The following NAV2 variants were observed in gnomAD, a reference collection of about 807,000 sequenced individuals.
NAV2 encodes the protein helicase, APC down-regulated 1.
NAV2 carries 54 observed loss-of-function variants against 223.2 expected under a neutral mutation model. The observed-to-expected ratio is 0.24, with a 90% CI of 0.19 to 0.30. The LOEUF (loss-of-function observed/expected upper bound fraction) is 0.30, where lower values mean the gene tolerates loss of function less well. NAV2 is among the 10% of genes least tolerant of loss of function. The pLI is 1.00. For synonymous variants in NAV2, 1,279 were observed against 1,239.3 expected (o/e 1.03, Z -0.67); for missense variants, 2,806 against 3,147.5 (o/e 0.89, Z 2.60).
chr11:19,627,482 T>G (rs1385293604), intron 1 of NAV2, among the ~76,000 whole-genome samples: 2 of 152,118 alleles, frequency 1.3e-5, no homozygotes, highest in African/African-American at 4.8e-5. Flanking sequence ...AGGTTTTTCA[T>G]GCATGAAATT....
At chr11:19,429,069 C>G (rs1183897951) in intron 1 of NAV2, among the ~76,000 whole-genome samples, 1 of 152,152 alleles carries the variant, frequency 6.6e-6, no homozygotes, top group African/African-American at 2.4e-5. Flanking sequence ...CTTTTCTACC[C>G]GATTGCACAA....
intron 1 of NAV2, among the ~76,000 whole-genome samples, chr11:19,736,483 T>G (rs1488668702): frequency 6.6e-6 from 1 of 152,166 alleles, no homozygotes; most frequent in African/African-American, 2.4e-5. Context: ...TAAGGACTCT[T>G]ACAAAGTCTT....
chr11:19,924,727 A>G (rs1386978025), intron 6 of NAV2, among the ~76,000 whole-genome samples: 2 of 152,352 alleles, frequency 1.3e-5, no homozygotes, highest in African/African-American at 4.8e-5. Flanking sequence ...CATTGAGTTC[A>G]GTTAGTTTTA....
intron 1 of NAV2, among the ~76,000 whole-genome samples, chr11:19,368,622 G>T (rs927744507): frequency 1.3e-4 from 20 of 152,232 alleles, no homozygotes; most frequent in African/African-American, 4.8e-4. Context: ...AACACTAACA[G>T]CTAATGTTCA....
At chr11:19,922,578 AT>A (rs1372961298) in intron 6 of NAV2, among the ~76,000 whole-genome samples, 2 of 152,146 alleles carry the variant, frequency 1.3e-5, no homozygotes, top group East Asian at 1.9e-4. Context: ...AGATACTGTG[AT>A]TTTGTAAGTT....
At chr11:20,105,461 T>C (rs1446403957) in intron 34 of NAV2, 70 bp from the exon 35 acceptor site, 17 of 1,347,200 alleles carry the variant, frequency 1.3e-5, no homozygotes. Context: ...CTAACGTGCT[T>C]TGGTTCCTGA....
At chr11:19,508,412 A>G (rs2043185493) in intron 1 of NAV2, among the ~76,000 whole-genome samples, 2 of 152,156 alleles carry the variant, frequency 1.3e-5, no homozygotes, top group South Asian at 4.2e-4. Context: ...AGCCCCTTGG[A>G]CTTCCTGCTA....
intron 4 of NAV2, 56 bp downstream of exon 4, chr11:19,869,053 GTTAC>G: frequency 6.6e-7 from 1 of 1,504,012 alleles, no homozygotes; most frequent in Non-Finnish European, 9.2e-7. Flanking sequence ...ATGCCCACCT[GTTAC>G]TTATGAATGA....
chr11:19,694,161 C>G (rs916723023), intron 1 of NAV2, among the ~76,000 whole-genome samples: 2 of 152,122 alleles, frequency 1.3e-5, no homozygotes, highest in Admixed American at 1.3e-4. Flanking sequence ...CAGGACAAAC[C>G]AGTAAAGGAG....
intron 28 of NAV2, 36 bp downstream of exon 28, chr11:20,092,404 C>A: frequency 1.3e-6 from 2 of 1,582,602 alleles, no homozygotes; most frequent in Non-Finnish European, 1.7e-6. Flanking sequence ...CAGGAATGGA[C>A]CTACAGCTGG....
At chr11:19,709,350 G>A (rs1255262668), upstream of NAV2, among the ~76,000 whole-genome samples, 1 of 151,806 alleles carries the variant, frequency 6.6e-6, no homozygotes, top group Non-Finnish European at 1.5e-5. Context: ...AGACCATCCT[G>A]GCTAACATGG....
At chr11:19,774,640 C>A (rs138515029) in intron 1 of NAV2, among the ~76,000 whole-genome samples, 59 of 152,298 alleles carry the variant, frequency 3.9e-4, no homozygotes, top group African/African-American at 1.3e-3. Flanking sequence ...ATACCCCAGA[C>A]AAGGAATCCT....
intron 6 of NAV2, among the ~76,000 whole-genome samples, chr11:19,919,604 C>G (rs1052672825): frequency 1.3e-5 from 2 of 152,214 alleles, no homozygotes; most frequent in Non-Finnish European, 2.9e-5. Flanking sequence ...CTCCCTTTCT[C>G]CATAGAGTTG....
intron 22 of NAV2, among the ~76,000 whole-genome samples, chr11:20,070,293 G>A (rs1038746992): frequency 3.3e-5 from 5 of 152,288 alleles, no homozygotes; most frequent in African/African-American, 9.6e-5. Context: ...TGGTTTGACA[G>A]CAAACCCCTG....
chr11:20,025,007 C>A (rs985758506), intron 11 of NAV2, among the ~76,000 whole-genome samples: 2 of 152,170 alleles, frequency 1.3e-5, no homozygotes, highest in African/African-American at 4.8e-5. Context: ...CTTATATGAC[C>A]ATGATCTATT....
chr11:19,456,090 A>G (rs1851949943), intron 1 of NAV2, among the ~76,000 whole-genome samples: 1 of 152,232 alleles, frequency 6.6e-6, no homozygotes, highest in African/African-American at 2.4e-5. Flanking sequence ...ATGTCATCCA[A>G]GCAACCTGGA....
At chr11:19,806,395 T>A (rs1270799914) in intron 1 of NAV2, among the ~76,000 whole-genome samples, 1 of 152,248 alleles carries the variant, frequency 6.6e-6, no homozygotes, top group East Asian at 1.9e-4. Flanking sequence ...GTCATCAGAT[T>A]CCTTTCATCT....
intron 1 of NAV2, among the ~76,000 whole-genome samples, chr11:19,699,441 TCCC>T (rs58587812): frequency 0.88 from 133,672 of 151,630 alleles, 59,246 homozygotes; most frequent in Middle Eastern, 0.98. Flanking sequence ...GATCCTGGTA[TCCC>T]CTTGATTTTA....
chr11:20,079,951 G>A (rs1018198624), intron 24 of NAV2, 113 bp from the exon 25 acceptor site: 55 of 1,184,694 alleles, frequency 4.6e-5, no homozygotes, highest in Middle Eastern at 2.9e-4. Flanking sequence ...ATGTATATGT[G>A]GAAAACACCC....
Sources: allele counts gnomAD v4.1 joint callset (sites outside exome capture counted in the v4.1 genomes callset), GRCh38; gene constraint gnomAD v4.1.1; transcripts MANE v1.5; gene names NCBI Gene and HGNC (gene_info 2026-07-23, HGNC 2026-07-21).